PFKFB3: variants seen among roughly 807,000 people sequenced by gnomAD.
PFKFB3 encodes 6-phosphofructo-2-kinase/fructose-2,6-bisphosphatase 3.
PFKFB3 carries 33 observed loss-of-function variants against 68.0 expected under a neutral mutation model. The observed-to-expected ratio is 0.49, with a 90% CI of 0.37 to 0.65. The LOEUF (loss-of-function observed/expected upper bound fraction) is 0.65. Among genes scored for constraint, PFKFB3 ranks in the 30% least tolerant of loss-of-function variants. The pLI is 0.00. For synonymous variants in PFKFB3, 315 were observed against 288.2 expected, an observed-to-expected ratio of 1.09 and a Z score of -0.94; for missense variants, 586 against 712.2, an observed-to-expected ratio of 0.82 and a Z score of 2.02.
chr10:6,163,808 A>T (rs903972075), intron 1 of PFKFB3: 1 of 151,694 alleles, frequency 6.6e-6, no homozygotes, highest in Non-Finnish European at 1.5e-5. Flanking sequence ...CGCCGCGTTC[A>T]CGTGCTGTCG....
intron 11 of PFKFB3, among the ~76,000 whole-genome samples, 198 bp from the exon 12 acceptor site, chr10:6,223,760 G>C (rs1010757051): frequency 6.6e-6 from 1 of 152,144 alleles, no homozygotes; most frequent in African/African-American, 2.4e-5. Context: ...GGGATTATAC[G>C]CATGTGCTAC....
the PFKFB3 span, among the ~76,000 whole-genome samples, chr10:6,317,185 C>T: frequency 6.6e-6 from 1 of 152,194 alleles, no homozygotes; most frequent in Non-Finnish European, 1.5e-5. Flanking sequence ...GGGGGACGTG[C>T]TCTTGATACT....
chr10:6,192,728 A>G (rs1843067152), intron 1 of PFKFB3, among the ~76,000 whole-genome samples: 1 of 147,060 alleles, frequency 6.8e-6, no homozygotes, highest in East Asian at 2.0e-4. Context: ...GATGTCACTG[A>G]TCTGCTGGGG....
At chr10:6,218,236 G>T (rs1028618380) in intron 6 of PFKFB3, among the ~76,000 whole-genome samples, 1 of 152,096 alleles carries the variant, frequency 6.6e-6, no homozygotes, top group Non-Finnish European at 1.5e-5. Flanking sequence ...TTTAGCATTT[G>T]TCTGGTTGTC....
At chr10:6,295,527 AT>A in the PFKFB3 span, among the ~76,000 whole-genome samples, 78,823 of 147,592 alleles carry the variant, frequency 0.53, 21,945 homozygotes, top group Non-Finnish European at 0.65. Context: ...CACCCAGCCA[AT>A]TTTTTTTTTT....
At chr10:6,259,184 TATCCATCC>T (rs199968075), downstream of PFKFB3, among the ~76,000 whole-genome samples, 11 of 138,532 alleles carry the variant, frequency 7.9e-5, no homozygotes, top group South Asian at 1.1e-3. Context: ...CCCATCCATC[TATCCATCC>T]ATCCATCCAT....
the PFKFB3 span, among the ~76,000 whole-genome samples, chr10:6,287,079 A>G: frequency 2.6e-5 from 4 of 151,850 alleles, no homozygotes; most frequent in East Asian, 7.7e-4. Context: ...AGATTATAAT[A>G]CTGTTTTTTT....
In PFKFB3 at chr10:6,154,889, C is replaced by A. The variant is rs1841718302; in HGVS notation, c.16+9876C>A. Among the ~76,000 whole-genome samples, 1 of 152,202 alleles carries A rather than the reference C, an allele frequency of 6.6e-6. No individual in the cohort carries two copies. Among genetic ancestry groups the A allele is most frequent in the Non-Finnish European group, 1.5e-5 (1 of 68,042 alleles). ...CTGCGGGGAGCCCGCACTGCCACAG[C>A]AGCTGCACCTCCTCTAGGCCCTGTC... On this transcript the variant is annotated intron_variant, in intron 1 of 14. Coordinates refer to the PFKFB3 transcript ENST00000379789. The surrounding 1 kb of genome is among the most constrained non-coding windows in gnomAD (Gnocchi z 4.6).
Position 6,220,847 on chromosome 10 carries a change from G to T in PFKFB3, c.813G>T (p.Leu271=). 2 of 1,612,000 alleles carry T rather than the reference G, an allele frequency of 1.2e-6. No homozygotes were observed. The highest frequency in any genetic ancestry group is 2.7e-5 in the African/African-American group (2 of 75,050). Residue 271 remains leucine (L), a synonymous_variant, in exon 8 of 15, where the codon CTG becomes CTT. Coordinates refer to ENST00000379775, the MANE Select transcript of PFKFB3 (RefSeq NM_004566.4). The surrounding 1 kb of genome is among the most constrained non-coding windows in gnomAD (Gnocchi z 4.1). ...LQGRIGGDSG[L]SSRGKKFASA... Reference sequence around the variant, plus strand: ...GCCGCATCGGGGGCGACTCAGGCCTGTCCAGCCGGGGCAAGAAGGTGCGGG... The same window carrying T: ...GCCGCATCGGGGGCGACTCAGGCCTTTCCAGCCGGGGCAAGAAGGTGCGGG...
the PFKFB3 span, among the ~76,000 whole-genome samples, chr10:6,307,304 GCAGA>G: frequency 6.7e-6 from 1 of 148,760 alleles, no homozygotes; most frequent in Non-Finnish European, 1.5e-5. Context: ...ATGCATGCAT[GCAGA>G]CACACACACA....
Position 6,232,919 on chromosome 10 carries a change from G to C in PFKFB3, c.1540G>C (p.Ala514Pro), listed in dbSNP as rs1302257709. The change falls in exon 15 of 15, where the codon GCT (alanine) becomes CCT (proline). Residue 514 changes from alanine to proline, a missense_variant. By Grantham distance (27) the Ala-to-Pro change is conservative. Coordinates refer to ENST00000379775, the MANE Select transcript of PFKFB3 (RefSeq NM_004566.4). ...GAACATGAAAGGCTCCCGGAGCAGC[G>C]CTGACTCCTCCAGGAAACACTGAGG... ...GQNMKGSRSS[A>P]DSSRKH 6.2e-7 allele frequency: 1 copy of C among 1,612,948 alleles called. No homozygotes were observed. Among genetic ancestry groups the C allele is most frequent in the South Asian group, 1.1e-5 (1 of 91,040 alleles).
chr10:6,163,508 GGAC>G (rs1039012714), intron 1 of PFKFB3, among the ~76,000 whole-genome samples: 2 of 152,132 alleles, frequency 1.3e-5, no homozygotes, highest in African/African-American at 4.8e-5. Flanking sequence ...GGGTAGGTGG[GGAC>G]CCAGCTGGGA....
intron 1 of PFKFB3, among the ~76,000 whole-genome samples, chr10:6,176,317 G>A (rs1315978403): frequency 1.3e-5 from 2 of 152,126 alleles, no homozygotes; most frequent in East Asian, 1.9e-4. Context: ...TTTCTGTAGC[G>A]ACCTGGTTGA....
At chr10:6,316,657 C>T in the PFKFB3 span, among the ~76,000 whole-genome samples, 1 of 152,096 alleles carries the variant, frequency 6.6e-6, no homozygotes, top group South Asian at 2.1e-4. Context: ...TTTGTATTTT[C>T]AGTAGAGTCC....
chr10:6,190,355 G>A (rs978745651), intron 1 of PFKFB3, among the ~76,000 whole-genome samples: 1 of 152,194 alleles, frequency 6.6e-6, no homozygotes, highest in African/African-American at 2.4e-5. Flanking sequence ...CGTTCCTTCT[G>A]TACTTATTTG....
intron 14 of PFKFB3, among the ~76,000 whole-genome samples, chr10:6,246,669 A>G (rs1415275302): frequency 6.6e-6 from 1 of 152,084 alleles, no homozygotes; most frequent in Non-Finnish European, 1.5e-5. Context: ...ATATATTAAT[A>G]TTTTTAAAAT....
At chr10:6,303,132 T>TC in the PFKFB3 span, among the ~76,000 whole-genome samples, 26 of 152,204 alleles carry the variant, frequency 1.7e-4, 1 homozygote, top group Admixed American at 8.5e-4. Flanking sequence ...TTTTTGTTTT[T>TC]CTCTTCTAAA....
At chr10:6,188,587 C>G (rs1473934327) in intron 1 of PFKFB3, among the ~76,000 whole-genome samples, 1 of 151,882 alleles carries the variant, frequency 6.6e-6, no homozygotes, top group Non-Finnish European at 1.5e-5. Context: ...CAATAGATCT[C>G]TAGAACCTTT....
At chr10:6,214,530 A>G (rs1334720507) in intron 2 of PFKFB3, among the ~76,000 whole-genome samples, 2 of 150,878 alleles carry the variant, frequency 1.3e-5, no homozygotes, top group Non-Finnish European at 1.5e-5. Flanking sequence ...TTTTTTTTCA[A>G]TTAATTTTAT....
Sources: gnomAD v4.1 joint callset for allele counts (sites outside exome capture counted in the v4.1 genomes callset) on GRCh38, gnomAD v4.1.1 for gene constraint, Gnocchi (gnomAD v3.1) non-coding constraint, MANE v1.5 for transcripts, NCBI Gene and HGNC (gene_info 2026-07-23, HGNC 2026-07-21) for gene names.